The following UGT3A2 variants were observed in gnomAD, a reference collection of about 807,000 sequenced individuals.
UGT3A2 encodes the protein UDP-glycosyltransferase 3A2.
Under a neutral mutation model 39.8 loss-of-function variants are expected in UGT3A2, and 32 were observed. The ratio of observed to expected loss-of-function variants is 0.80; its 90% confidence interval spans 0.61 to 1.08. The LOEUF (loss-of-function observed/expected upper bound fraction) is 1.08, where lower values mean the gene tolerates loss of function less well. UGT3A2 is among the 50% of genes least tolerant of loss of function. The pLI is 0.00. For synonymous variants in UGT3A2, 241 were observed against 230.7 expected, an observed-to-expected ratio of 1.04 and a Z score of -0.40; for missense variants, 611 against 637.1, an observed-to-expected ratio of 0.96 and a Z score of 0.44.
chr5:36,058,937 A>T (rs993925649), intron 2 of UGT3A2, among the ~76,000 whole-genome samples: 1 of 152,184 alleles, frequency 6.6e-6, no homozygotes, highest in Non-Finnish European at 1.5e-5. Flanking sequence ...AGACCTGAAG[A>T]GACCTGCAGG....
chr5:36,060,623 C>T (rs899457339), intron 2 of UGT3A2, among the ~76,000 whole-genome samples: 4 of 152,128 alleles, frequency 2.6e-5, no homozygotes, highest in Non-Finnish European at 5.9e-5. Context: ...CCTTTACAAC[C>T]GTTTCTTTTA....
At chr5:36,064,209 G>T (rs756979995) in intron 2 of UGT3A2, 40 bp downstream of exon 2, 2 of 1,572,012 alleles carry the variant, frequency 1.3e-6, no homozygotes, top group Non-Finnish European at 8.7e-7. Flanking sequence ...TTTGCTCTTT[G>T]CTTGGAGTAG....
chr5:36,038,050 A>G (rs1741887994), intron 5 of UGT3A2, 34 bp from the exon 6 acceptor site: 2 of 1,546,740 alleles, frequency 1.3e-6, no homozygotes, highest in Non-Finnish European at 1.7e-6. Context: ...GGGACACTTC[A>G]GGATGAAAAT....
At chr5:36,054,134 G>C (rs1210993255) in intron 2 of UGT3A2, among the ~76,000 whole-genome samples, 1 of 152,210 alleles carries the variant, frequency 6.6e-6, no homozygotes, top group Non-Finnish European at 1.5e-5. Flanking sequence ...CATGCAGCTG[G>C]TGGGCCACGA....
chr5:36,036,911 G>A (rs1291232508), intron 6 of UGT3A2, among the ~76,000 whole-genome samples: 1 of 152,202 alleles, frequency 6.6e-6, no homozygotes, highest in African/African-American at 2.4e-5. Context: ...AGATCACTGT[G>A]CTGGATATGC....
chr5:36,036,865 T>C (rs1357018674), intron 6 of UGT3A2, among the ~76,000 whole-genome samples: 2 of 152,254 alleles, frequency 1.3e-5, no homozygotes, highest in African/African-American at 4.8e-5. Flanking sequence ...CAGTCCTTTT[T>C]ACTTATTACA....
chr5:36,056,875 T>G (rs1238542905), intron 2 of UGT3A2, among the ~76,000 whole-genome samples: 1 of 152,248 alleles, frequency 6.6e-6, no homozygotes, highest in Non-Finnish European at 1.5e-5. Flanking sequence ...ACATCTATAT[T>G]TCTACAAAAA....
At chr5:36,065,789 C>T (rs750199817) in intron 1 of UGT3A2, among the ~76,000 whole-genome samples, 1 of 152,110 alleles carries the variant, frequency 6.6e-6, no homozygotes, top group Admixed American at 6.6e-5. Flanking sequence ...CCTTCAATTG[C>T]CCTCTCAGGA....
intron 2 of UGT3A2, among the ~76,000 whole-genome samples, chr5:36,061,312 CAT>C (rs1742694550): frequency 1.3e-5 from 2 of 152,002 alleles, no homozygotes; most frequent in East Asian, 3.9e-4. Context: ...CATACGTACA[CAT>C]GTGCCATGCT....
Position 36,064,284 on chromosome 5 carries a change from G to C in UGT3A2, c.161C>G (p.Thr54Ser). ...AGGACCTCTTTTGTGGTTAAGCATG[G>C]TGACATTATGACCGTGATCTTGAAG... Reference protein sequence around the residue: ...QILQDHGHNVTMLNHKRGPFM... With the variant: ...QILQDHGHNVSMLNHKRGPFM... The change falls in exon 2 of 7, where the codon ACC becomes AGC. Residue 54 changes from threonine (T) to serine (S), a missense_variant. Transcript: ENST00000282507. The C allele has an allele frequency of 6.2e-7, 1 of 1,614,176 alleles. No individual in the cohort carries two copies. The highest frequency in any genetic ancestry group is 8.5e-7 in the Non-Finnish European group (1 of 1,180,040).
At position 36,035,399 on chromosome 5, in the gene UGT3A2, C is replaced by T; in HGVS notation, c.*299G>A. ...GAAGGTGGATTTTAAGGCTGGAAAT[C>T]TGAGGGTCAGTGGTCCAAGTCACTC... On this transcript the variant is annotated 3_prime_UTR_variant, in exon 7 of 7. Transcript: ENST00000282507. 1 of 369,304 alleles carries T rather than the reference C, an allele frequency of 2.7e-6. No individual in the cohort carries two copies. The highest frequency in any genetic ancestry group is 5.0e-6 in the Non-Finnish European group (1 of 199,754). The allele number at this position is 369,304 out of a possible 1,614,324, so 22.9% of individuals were successfully genotyped here.
At chr5:36,062,636 T>C (rs1973394) in intron 2 of UGT3A2, among the ~76,000 whole-genome samples, 1 of 151,978 alleles carries the variant, frequency 6.6e-6, no homozygotes, top group Non-Finnish European at 1.5e-5. Context: ...TGCTGTTTTG[T>C]TTACTGTAGT....
intron 2 of UGT3A2, among the ~76,000 whole-genome samples, chr5:36,057,286 T>C (rs1422016998): frequency 6.6e-6 from 1 of 152,218 alleles, no homozygotes; most frequent in Non-Finnish European, 1.5e-5. Context: ...AATAACCCAA[T>C]CATGTGTTTC....
In UGT3A2 at chr5:36,035,990, G is replaced by T. The variant is rs1196155794; in HGVS notation, c.1296-16C>A. 3 of 1,610,300 alleles carry T rather than the reference G, an allele frequency of 1.9e-6. No individual in the cohort carries two copies. The highest frequency in any genetic ancestry group is 3.3e-5 in the Admixed American group (2 of 59,960). On this transcript the variant is annotated splice_polypyrimidine_tract_variant and intron_variant, in intron 6 of 6. Coordinates refer to ENST00000282507, the MANE Select transcript of UGT3A2 (RefSeq NM_174914.4). ...GGACTTGTATCTGTTGAGAGAGATA[G>T]AGAGGGGGCATTACTAATGTGACCT...
intron 4 of UGT3A2, among the ~76,000 whole-genome samples, chr5:36,042,631 C>T (rs1742046736): frequency 6.6e-6 from 1 of 151,802 alleles, no homozygotes; most frequent in South Asian, 2.1e-4. Context: ...TAACATGTTG[C>T]CTCCAAGAAA....
At chr5:36,061,266 T>G (rs1313204527) in intron 2 of UGT3A2, among the ~76,000 whole-genome samples, 1 of 147,068 alleles carries the variant, frequency 6.8e-6, no homozygotes, top group African/African-American at 2.5e-5. Flanking sequence ...ATACTTTAAG[T>G]TTTAGGGTAC....
At chr5:36,049,569 C>T in intron 3 of UGT3A2, 149 bp from the exon 4 acceptor site, 7 of 631,606 alleles carry the variant, frequency 1.1e-5, no homozygotes, top group South Asian at 2.2e-5. Flanking sequence ...CACAAATACC[C>T]TCTGCCATAA....
intron 2 of UGT3A2, among the ~76,000 whole-genome samples, chr5:36,058,639 T>C (rs562458564): frequency 9.2e-5 from 14 of 152,272 alleles, no homozygotes; most frequent in African/African-American, 2.4e-4. Flanking sequence ...TCCTCCTCCC[T>C]GCTCATTCTA....
intron 2 of UGT3A2, among the ~76,000 whole-genome samples, chr5:36,061,677 T>C (rs1381009643): frequency 6.7e-6 from 1 of 150,192 alleles, no homozygotes; most frequent in Non-Finnish European, 1.5e-5. Flanking sequence ...TCTTTGCTAT[T>C]GTGAATAATG....
Sources: gnomAD v4.1 joint callset for allele counts (sites outside exome capture counted in the v4.1 genomes callset) on GRCh38, gnomAD v4.1.1 for gene constraint, MANE v1.5 for transcripts, NCBI Gene and HGNC (gene_info 2026-07-23, HGNC 2026-07-21) for gene names.